The following PVT1 variants were observed in gnomAD, a reference collection of about 807,000 sequenced individuals.
The protein encoded by PVT1 is CXCR4/PVT1 fusion.
At chr8:127,968,012 G>A (rs1816722182) in intron 3 of PVT1, among the ~76,000 whole-genome samples, 1 of 152,202 alleles carries the variant, frequency 6.6e-6, no homozygotes. Context: ...ATTCGGTGCT[G>A]ACCTTTGTTC....
chr8:127,862,076 A>T (rs956726190), intron 2 of PVT1, among the ~76,000 whole-genome samples: 8 of 152,178 alleles, frequency 5.3e-5, no homozygotes, highest in African/African-American at 1.9e-4. Context: ...CAATAGTGTG[A>T]GCATTCTAAT....
chr8:127,817,560 CATAT>C (rs1260864615), intron 2 of PVT1, among the ~76,000 whole-genome samples: 1 of 85,832 alleles, frequency 1.2e-5, no homozygotes, highest in African/African-American at 4.2e-5. Context: ...CACACACACA[CATAT>C]ATATATATAT....
chr8:128,070,704 C>T (rs1394898816), intron 5 of PVT1, among the ~76,000 whole-genome samples: 2 of 152,228 alleles, frequency 1.3e-5, no homozygotes, highest in South Asian at 4.2e-4. Flanking sequence ...CCAGAAATCC[C>T]CAGTAGACTT....
chr8:128,001,529 G>A lies in PVT1; in HGVS notation n.912+12238G>A, dbSNP rs771492429. On this transcript the variant is annotated intron_variant and non_coding_transcript_variant, in intron 4 of 10. Coordinates refer to ENST00000651587, the Ensembl canonical transcript of PVT1. ...CACTTCCTGTGACCCTTTCAGACTC[G>A]CCATTGGCCCCCACCAGATCAGGAA... Among the ~76,000 whole-genome samples, 77 of 152,186 alleles carry A rather than the reference G, an allele frequency of 5.1e-4. 1 individual carries two copies. Among genetic ancestry groups the A allele is most frequent in the Middle Eastern group, 3.4e-3 (1 of 294 alleles).
At chr8:128,023,328 A>G (rs989829870) in intron 4 of PVT1, among the ~76,000 whole-genome samples, 1 of 152,178 alleles carries the variant, frequency 6.6e-6, no homozygotes, top group African/African-American at 2.4e-5. Flanking sequence ...ACCAACCTAG[A>G]TCAGTTGACA....
At chr8:127,858,063 G>T (rs1266965039) in intron 2 of PVT1, among the ~76,000 whole-genome samples, 1 of 152,174 alleles carries the variant, frequency 6.6e-6, no homozygotes, top group Non-Finnish European at 1.5e-5. Flanking sequence ...TCTTTGGTGT[G>T]AGAAATCCCC....
chr8:127,840,016 C>T (rs1814955281), intron 2 of PVT1, among the ~76,000 whole-genome samples: 1 of 152,176 alleles, frequency 6.6e-6, no homozygotes, highest in Admixed American at 6.5e-5. Flanking sequence ...CTTCTTGGCA[C>T]AGAGCAGACA....
chr8:127,962,588 CT>C (rs574251273), intron 3 of PVT1, among the ~76,000 whole-genome samples: 1 of 152,102 alleles, frequency 6.6e-6, no homozygotes, highest in Non-Finnish European at 1.5e-5. Flanking sequence ...TTGTCCTTGT[CT>C]TCTGGAGGTT....
At chr8:127,978,063 T>G (rs765848691) in intron 3 of PVT1, among the ~76,000 whole-genome samples, 4 of 152,214 alleles carry the variant, frequency 2.6e-5, no homozygotes, top group Non-Finnish European at 5.9e-5. Context: ...TCTCTTCTCT[T>G]GCATGCTTAC....
At chr8:127,926,478 T>C (rs1422361518) in intron 3 of PVT1, among the ~76,000 whole-genome samples, 1 of 152,176 alleles carries the variant, frequency 6.6e-6, no homozygotes, top group Non-Finnish European at 1.5e-5. Context: ...GGGAAGTTGC[T>C]CACCCTGCAC....
chr8:128,075,996 T>A (rs1298759894), intron 5 of PVT1, among the ~76,000 whole-genome samples: 2 of 152,204 alleles, frequency 1.3e-5, no homozygotes, highest in Non-Finnish European at 2.9e-5. Context: ...AGACAGATTA[T>A]GTAAAATTCG....
At chr8:127,897,495 AAAGGAAGGAAGG>A (rs140627372) in intron 3 of PVT1, among the ~76,000 whole-genome samples, 2 of 150,596 alleles carry the variant, frequency 1.3e-5, no homozygotes, top group Admixed American at 6.6e-5. Context: ...AGAGAGAAAG[AAAGGAAGGAAGG>A]AAGGAAGGAA....
intron 2 of PVT1, among the ~76,000 whole-genome samples, chr8:127,810,121 T>C (rs1338318978): frequency 6.6e-6 from 1 of 152,216 alleles, no homozygotes; most frequent in Non-Finnish European, 1.5e-5. Flanking sequence ...GGAGGGGGCT[T>C]CAGGCATGCT....
chr8:127,927,725 G>C (rs1425884347), intron 3 of PVT1, among the ~76,000 whole-genome samples: 1 of 152,192 alleles, frequency 6.6e-6, no homozygotes, highest in Non-Finnish European at 1.5e-5. Context: ...GTACCATCCT[G>C]AAAGTCATCT....
chr8:127,918,799 G>T (rs1167998311), intron 3 of PVT1, among the ~76,000 whole-genome samples: 4 of 152,210 alleles, frequency 2.6e-5, no homozygotes, highest in Non-Finnish European at 5.9e-5. Flanking sequence ...CACAAGCCTT[G>T]AGTCGCTGCA....
At chr8:127,884,924 A>G (rs1448856819) in intron 2 of PVT1, among the ~76,000 whole-genome samples, 1 of 152,232 alleles carries the variant, frequency 6.6e-6, no homozygotes, top group Non-Finnish European at 1.5e-5. Context: ...TCCTCAGGTG[A>G]CAGAGCTTTA....
At chr8:127,954,355 C>T (rs984276983) in intron 3 of PVT1, among the ~76,000 whole-genome samples, 6 of 138,524 alleles carry the variant, frequency 4.3e-5, no homozygotes, top group Admixed American at 8.2e-5. Flanking sequence ...AGTGCAGTGG[C>T]GCCATCTCGG....
At chr8:128,033,681 C>A (rs117382031) in intron 4 of PVT1, among the ~76,000 whole-genome samples, 27 of 152,304 alleles carry the variant, frequency 1.8e-4, no homozygotes, top group Non-Finnish European at 3.1e-4. Flanking sequence ...GCGAAATCTC[C>A]AGCCTTGAGA....
intron 4 of PVT1, among the ~76,000 whole-genome samples, chr8:128,051,901 A>G (rs1813702774): frequency 6.6e-6 from 1 of 152,164 alleles, no homozygotes; most frequent in Middle Eastern, 3.2e-3. Context: ...ATTATTTTGA[A>G]TTCTTTGTCA....
Sources: gnomAD v4.1 joint callset for allele counts (sites outside exome capture counted in the v4.1 genomes callset) on GRCh38, gnomAD v4.1.1 for gene constraint, MANE v1.5 for transcripts, NCBI Gene and HGNC (gene_info 2026-07-23, HGNC 2026-07-21) for gene names.